HMSD: variants seen among roughly 807,000 people sequenced by gnomAD.
HMSD encodes the protein serpin-like protein HMSD.
In HMSD, 13 loss-of-function variants were observed where a neutral mutation model predicts 10.0. The ratio of observed to expected loss-of-function variants is 1.31; its 90% CI spans 0.85 to 2.08. The LOEUF (loss-of-function observed/expected upper bound fraction) is 2.08. Ranked by LOEUF, HMSD falls within the 30% of genes most tolerant of loss-of-function variation. HMSD has a pLI of 0.00. For missense variants in HMSD, 169 were observed against 166.3 expected, an observed-to-expected ratio of 1.02 and a Z score of -0.09; for synonymous variants, 51 against 54.2, an observed-to-expected ratio of 0.94 and a Z score of 0.26.
chr18:63,969,242 T>C (rs1353621901), intron 3 of HMSD: 1 of 152,260 alleles, frequency 6.6e-6, no homozygotes, highest in Non-Finnish European at 1.5e-5. Flanking sequence ...CTCAATAGTT[T>C]CTAATTTATC....
chr18:63,959,661 A>G (rs2050376100), intron 3 of HMSD, among the ~76,000 whole-genome samples: 1 of 152,134 alleles, frequency 6.6e-6, no homozygotes. Context: ...TAGTTACTTG[A>G]TGTTGTTTTT....
At chr18:63,959,093 A>G (rs2050373426) in intron 3 of HMSD, among the ~76,000 whole-genome samples, 1 of 152,182 alleles carries the variant, frequency 6.6e-6, no homozygotes, top group Admixed American at 6.5e-5. Flanking sequence ...AACATCCCCT[A>G]GTACAGTCAT....
In HMSD at chr18:63,961,211, T is replaced by C. The variant is rs2050384710; in HGVS notation, c.*856T>C. The stretch of plus-strand genomic sequence containing the variant: ...CAAGCAGGAGGGTGTTTTTTTTTTT[T>C]CTTTCCTGGAATGAGGATAATCAAA... On this transcript the variant is annotated 3_prime_UTR_variant, in exon 4 of 4. Coordinates refer to ENST00000408945, the MANE Select transcript of HMSD (RefSeq NM_001123366.2). 1 of 67,244 alleles carries C rather than the reference T, an allele frequency of 1.5e-5. No individual in the cohort carries two copies. The highest frequency in any genetic ancestry group is 2.7e-5 in the Non-Finnish European group (1 of 36,612). The allele number at this position is 67,244 out of a possible 1,614,324, so 4.2% of individuals were successfully genotyped here.
At position 63,953,447 on chromosome 18, in the gene HMSD, T is replaced by C; in HGVS notation, c.-9T>C. ...GGGAAAACAACTCAAACAACTTATT[T>C]TTTTCCCCATGAGCATATCATCAGC... is the stretch of plus-strand genomic sequence containing the variant. On this transcript the variant is annotated 5_prime_UTR_variant, in exon 2 of 4. Transcript: ENST00000408945. 6.2e-7 allele frequency: 1 copy of C among 1,612,720 alleles called. No homozygotes were observed. The highest frequency in any genetic ancestry group is 8.5e-7 in the Non-Finnish European group (1 of 1,178,980).
At chr18:63,949,873 C>T (rs982593308) in intron 1 of HMSD, among the ~76,000 whole-genome samples, 1 of 152,110 alleles carries the variant, frequency 6.6e-6, no homozygotes, top group African/African-American at 2.4e-5. Flanking sequence ...CTTGACATTC[C>T]TCCTCCTTTA....
chr18:63,953,454 C>T lies in HMSD; in HGVS notation c.-2C>T. On this transcript the variant is annotated 5_prime_UTR_variant, in exon 2 of 4. Transcript: ENST00000408945. ...CAACTCAAACAACTTATTTTTTTCC[C>T]CATGAGCATATCATCAGCCTTGGCC... 1 of 1,613,302 alleles carries T rather than the reference C, an allele frequency of 6.2e-7. No homozygotes were observed. The highest frequency in any genetic ancestry group is 8.5e-7 in the Non-Finnish European group (1 of 1,179,510).
chr18:63,955,259 G>A (rs2050352097), intron 3 of HMSD, among the ~76,000 whole-genome samples: 1 of 152,096 alleles, frequency 6.6e-6, no homozygotes, highest in African/African-American at 2.4e-5. Flanking sequence ...TTAAAAATAT[G>A]TCCTAAATTC....
At position 63,960,462 on chromosome 18, in the gene HMSD, A is replaced by C; in HGVS notation, c.*107A>C. 7 of 1,421,286 alleles carry C rather than the reference A, an allele frequency of 4.9e-6. No homozygotes were observed. Among genetic ancestry groups the C allele is most frequent in the Non-Finnish European group, 6.5e-6 (7 of 1,081,026 alleles). 88.0% of individuals were successfully genotyped at this position (1,421,286 alleles called of 1,614,324 possible). The stretch of plus-strand genomic sequence containing the variant: ...TCTAGCTTTAGCTTTTCCCTTATCA[A>C]GTATCTGTGATGTCTCTCTAGATGA... On this transcript the variant is annotated 3_prime_UTR_variant, in exon 4 of 4. Transcript: ENST00000408945.
chr18:63,952,225 C>A (rs1173570354), intron 1 of HMSD, among the ~76,000 whole-genome samples: 1 of 151,284 alleles, frequency 6.6e-6, no homozygotes, highest in Non-Finnish European at 1.5e-5. Flanking sequence ...ACCAGCATGG[C>A]ACATGTATAC....
chr18:63,956,628 G>A (rs996482475), intron 3 of HMSD, among the ~76,000 whole-genome samples: 1 of 152,208 alleles, frequency 6.6e-6, no homozygotes, highest in African/African-American at 2.4e-5. Context: ...CATGCGGCTG[G>A]TGGGAATGTA....
downstream of HMSD, among the ~76,000 whole-genome samples, chr18:63,965,681 G>A (rs2050406587): frequency 6.6e-6 from 1 of 152,182 alleles, no homozygotes; most frequent in Non-Finnish European, 1.5e-5. Context: ...ATTTGTCTTG[G>A]TAACAATCTA....
rs1451413932 is a variant in HMSD, at chr18:63,961,734, G to T, written c.*1379G>T. 2 of 152,256 alleles carry T rather than the reference G, an allele frequency of 1.3e-5. No individual in the cohort carries two copies. The highest frequency in any genetic ancestry group is 2.9e-5 in the Non-Finnish European group (2 of 68,068). 9.4% of individuals were successfully genotyped at this position (152,256 alleles called of 1,614,324 possible). A position where few individuals can be genotyped will look rare whatever the true frequency, so the allele number is the denominator to read the frequency against. ...AGCCTGCCTTCCACAGCCCCTACTG[G>T]TTCACTCTATTCCCAAATGCAACTC... is the stretch of plus-strand genomic sequence containing the variant. On this transcript the variant is annotated 3_prime_UTR_variant, in exon 4 of 4. Transcript: ENST00000408945.
At chr18:63,959,085 C>G (rs2050373414) in intron 3 of HMSD, among the ~76,000 whole-genome samples, 1 of 152,174 alleles carries the variant, frequency 6.6e-6, no homozygotes, top group Non-Finnish European at 1.5e-5. Flanking sequence ...CTGTGATTAA[C>G]ATCCCCTAGT....
chr18:63,966,004 C>T (rs903712479), downstream of HMSD, among the ~76,000 whole-genome samples: 2 of 152,148 alleles, frequency 1.3e-5, no homozygotes, highest in Admixed American at 6.5e-5. Context: ...TATAACAACC[C>T]ACTCTTGGAG....
chr18:63,950,415 CAAAAAAAAAAAAAAA>C (rs562421091), intron 1 of HMSD, among the ~76,000 whole-genome samples: 3,025 of 39,164 alleles, frequency 0.077, 228 homozygotes, highest in African/African-American at 0.19. Flanking sequence ...GACTCTCTCT[CAAAAAAAAAAAAAAA>C]AAAAAAAAAA....
chr18:63,956,781 T>C (rs2050360813), intron 3 of HMSD, among the ~76,000 whole-genome samples: 2 of 152,192 alleles, frequency 1.3e-5, no homozygotes, highest in Non-Finnish European at 2.9e-5. Flanking sequence ...CATATGTTCA[T>C]TGCAGCACTA....
Position 63,949,317 on chromosome 18 carries a change from C to T in HMSD, c.-186C>T, listed in dbSNP as rs1363449209. On this transcript the variant is annotated 5_prime_UTR_variant, in exon 1 of 4. Transcript: ENST00000408945. ...CGCCTCCCCATTCACTGGGAACTAA[C>T]ACCCGGCGCCGCTCAGACATCTCTA... 3 of 152,308 alleles carry T rather than the reference C, an allele frequency of 2.0e-5. No homozygotes were observed. The highest frequency in any genetic ancestry group is 4.4e-5 in the Non-Finnish European group (3 of 68,124). The allele number at this position is 152,308 out of a possible 1,614,324, so 9.4% of individuals were successfully genotyped here.
At chr18:63,949,671 G>C (rs563863641) in intron 1 of HMSD, among the ~76,000 whole-genome samples, 1 of 152,178 alleles carries the variant, frequency 6.6e-6, no homozygotes, top group Admixed American at 6.5e-5. Context: ...GAGCTGGGGG[G>C]TGAAAGTCCT....
Position 63,957,295 on chromosome 18 carries a change from CAA to C in HMSD, c.222+2739_222+2740del, listed in dbSNP as rs895314085. On this transcript the variant is annotated intron_variant, in intron 3 of 3. Coordinates refer to ENST00000408945, the MANE Select transcript of HMSD (RefSeq NM_001123366.2). ...GCGATAGGGAAGGGTTAATACAAAA[CAA>C]GAGAAGCAACAAAAAAAAAAAATAA... is the stretch of plus-strand genomic sequence containing the variant. 7.4e-4 allele frequency among the ~76,000 whole-genome samples: 100 copies of C among 135,904 alleles called. 1 individual carries two copies. The highest frequency in any genetic ancestry group is 3.1e-3 in the African/African-American group (96 of 31,412). 89.2% of individuals were successfully genotyped at this position (135,904 alleles called of 152,430 possible).
Sources: allele counts gnomAD v4.1 joint callset (sites outside exome capture counted in the v4.1 genomes callset), GRCh38; gene constraint gnomAD v4.1.1; transcripts MANE v1.5; gene names NCBI Gene and HGNC (gene_info 2026-07-23, HGNC 2026-07-21).